KHDRBS2: variants seen among roughly 807,000 people sequenced by gnomAD.
The protein encoded by KHDRBS2 is KH RNA binding domain containing, signal transduction associated 2.
A neutral mutation model predicts 44.3 loss-of-function variants in KHDRBS2; 26 were observed. The observed-to-expected ratio is 0.59, with a 90% CI of 0.43 to 0.81. The LOEUF is 0.81. KHDRBS2 is among the 40% of genes least tolerant of loss of function. The pLI is 0.00. For synonymous variants in KHDRBS2, 194 were observed against 151.1 expected (o/e 1.28, Z -2.08); for missense variants, 476 against 433.1 (o/e 1.10, Z -0.88).
Position 62,066,135 on chromosome 6 carries a change from C to A in KHDRBS2, c.220-18141G>T, listed in dbSNP as rs1194051475. 4.0e-5 allele frequency among the ~76,000 whole-genome samples: 6 copies of A among 151,648 alleles called. No individual in the cohort carries two copies. The East Asian group carries it at 7.9e-4, about 20-fold the overall frequency. On this transcript the variant is annotated intron_variant, in intron 2 of 8. Coordinates refer to ENST00000281156, the MANE Select transcript of KHDRBS2 (RefSeq NM_152688.4). ...ACTCAAAAAGATTCATTAAAAATAT[C>A]ATTATTAAGTGAAAACTATTATATT...
chr6:62,235,907 T>C lies in KHDRBS2; in HGVS notation c.91+49951A>G, dbSNP rs192657728. On this transcript the variant is annotated intron_variant, in intron 1 of 8. Transcript: ENST00000281156. ...CATTTTTATTTAACATTAACTAGCATTATAATCTCAGGTAAATCACATTAT... is the reference window on the plus strand; with the variant it reads ...CATTTTTATTTAACATTAACTAGCACTATAATCTCAGGTAAATCACATTAT... Among the ~76,000 whole-genome samples the C allele has an allele frequency of 2.3e-3, 353 of 152,174 alleles. 1 individual carries two copies. Among genetic ancestry groups the C allele is most frequent in the African/African-American group, 7.7e-3 (321 of 41,568 alleles).
intron 2 of KHDRBS2, among the ~76,000 whole-genome samples, chr6:62,124,139 A>C (rs757463859): frequency 7.2e-5 from 11 of 152,158 alleles, no homozygotes; most frequent in Admixed American, 3.3e-4. Flanking sequence ...AAATATCAGT[A>C]CCCCCAGGGA....
chr6:61,690,869 A>C (rs1431045332), intron 8 of KHDRBS2, among the ~76,000 whole-genome samples: 4 of 152,204 alleles, frequency 2.6e-5, no homozygotes, highest in Non-Finnish European at 5.9e-5. Context: ...TATTACTGTA[A>C]GAGAAATTAT....
chr6:62,151,549 C>CA (rs1407055825), intron 2 of KHDRBS2, among the ~76,000 whole-genome samples: 4 of 152,100 alleles, frequency 2.6e-5, no homozygotes, highest in African/African-American at 9.7e-5. Context: ...AACCCCACCA[C>CA]AATTTAATCT....
intron 6 of KHDRBS2, among the ~76,000 whole-genome samples, chr6:61,793,947 G>T (rs1784974666): frequency 6.6e-6 from 1 of 152,046 alleles, no homozygotes; most frequent in Admixed American, 6.6e-5. Context: ...AATGGGCTAT[G>T]GCAATTTACC....
chr6:62,081,515 C>G (rs1797388610), intron 2 of KHDRBS2, among the ~76,000 whole-genome samples: 1 of 152,074 alleles, frequency 6.6e-6, no homozygotes, highest in South Asian at 2.1e-4. Flanking sequence ...CAATAATTTA[C>G]TGAAGTTGCT....
chr6:62,156,276 T>G lies in KHDRBS2; in HGVS notation c.219+20909A>C, dbSNP rs971904788. ...CCCAAGTTCTACTAAAGTATGTACTTTTTAATGTATTTTGTACTACCTATT... is the reference window on the plus strand; with the variant it reads ...CCCAAGTTCTACTAAAGTATGTACTGTTTAATGTATTTTGTACTACCTATT... On this transcript the variant is annotated intron_variant, in intron 2 of 8. Transcript: ENST00000281156. Among the ~76,000 whole-genome samples the G allele has an allele frequency of 4.6e-5, 7 of 152,220 alleles. No homozygotes were observed. In the East Asian group the frequency reaches 1.3e-3, roughly 29 times the overall value.
intron 3 of KHDRBS2, among the ~76,000 whole-genome samples, chr6:62,032,885 A>G (rs1382291744): frequency 2.6e-5 from 4 of 152,020 alleles, no homozygotes; most frequent in Admixed American, 1.3e-4. Context: ...CCAAAGATCA[A>G]TCCTGGAGAA....
the KHDRBS2 span, among the ~76,000 whole-genome samples, chr6:61,645,444 G>A: frequency 6.7e-6 from 1 of 149,820 alleles, no homozygotes; most frequent in African/African-American, 2.5e-5. Context: ...TAAGAAACCT[G>A]GACATGTACA....
chr6:62,022,844 C>T (rs1297379347), intron 3 of KHDRBS2, among the ~76,000 whole-genome samples: 3 of 151,546 alleles, frequency 2.0e-5, no homozygotes, highest in Admixed American at 1.3e-4. Flanking sequence ...TAGTGAAATT[C>T]CTTAATTTTT....
intron 2 of KHDRBS2, among the ~76,000 whole-genome samples, chr6:62,062,099 C>G: frequency 6.7e-6 from 1 of 149,422 alleles, no homozygotes; most frequent in Non-Finnish European, 1.5e-5. Flanking sequence ...ATATATGCAC[C>G]CAATACAGGA....
intron 2 of KHDRBS2, among the ~76,000 whole-genome samples, chr6:62,100,670 C>G (rs1287726850): frequency 6.6e-6 from 1 of 152,190 alleles, no homozygotes; most frequent in Non-Finnish European, 1.5e-5. Flanking sequence ...TTCAGGAAAT[C>G]ATTGGCATTT....
At chr6:61,711,235 C>T (rs1349417959) in intron 7 of KHDRBS2, among the ~76,000 whole-genome samples, 1 of 151,602 alleles carries the variant, frequency 6.6e-6, no homozygotes, top group Non-Finnish European at 1.5e-5. Flanking sequence ...CTTTAACTAC[C>T]AGTCAATGTC....
chr6:61,858,240 T>G (rs1024517230), intron 6 of KHDRBS2, among the ~76,000 whole-genome samples: 1 of 146,922 alleles, frequency 6.8e-6, no homozygotes, highest in African/African-American at 2.6e-5. Flanking sequence ...GAATCTCTCA[T>G]GCAATTTAAG....
chr6:61,553,946 C>T, the KHDRBS2 span, among the ~76,000 whole-genome samples: 3 of 151,998 alleles, frequency 2.0e-5, no homozygotes, highest in African/African-American at 7.3e-5. Flanking sequence ...AGAGTGTGTG[C>T]CATGTGCTGA....
At chr6:62,112,235 G>C (rs1805171130) in intron 2 of KHDRBS2, among the ~76,000 whole-genome samples, 1 of 152,068 alleles carries the variant, frequency 6.6e-6, no homozygotes, top group Non-Finnish European at 1.5e-5. Flanking sequence ...AGCTACTAAA[G>C]TTGACATTTA....
chr6:61,892,320 T>C (rs1396762786), intron 6 of KHDRBS2, among the ~76,000 whole-genome samples: 1 of 152,188 alleles, frequency 6.6e-6, no homozygotes, highest in African/African-American at 2.4e-5. Flanking sequence ...AAAATGGCCA[T>C]ACTGTCCAAG....
At chr6:62,191,285 G>A (rs1238843869) in intron 1 of KHDRBS2, among the ~76,000 whole-genome samples, 3 of 152,032 alleles carry the variant, frequency 2.0e-5, no homozygotes, top group Admixed American at 6.6e-5. Flanking sequence ...AAACAGGCAC[G>A]TTGTAGTCTA....
At chr6:62,192,069 T>G (rs533778416) in intron 1 of KHDRBS2, among the ~76,000 whole-genome samples, 52 of 152,146 alleles carry the variant, frequency 3.4e-4, no homozygotes, top group African/African-American at 1.1e-3. Flanking sequence ...TGGATTGACA[T>G]GCAATGCATT....
Sources: allele counts gnomAD v4.1 joint callset (sites outside exome capture counted in the v4.1 genomes callset), GRCh38; gene constraint gnomAD v4.1.1; transcripts MANE v1.5; gene names NCBI Gene and HGNC (gene_info 2026-07-23, HGNC 2026-07-21).